AGMO: variants seen among roughly 807,000 people sequenced by gnomAD.
The protein encoded by AGMO is glyceryl-ether monooxygenase.
In AGMO, 75 loss-of-function variants were observed where a neutral mutation model predicts 60.2. The observed-to-expected ratio is 1.25, with a 90% CI of 1.03 to 1.51. The LOEUF is 1.51. Ranked by LOEUF, AGMO falls within the 40% of genes most tolerant of loss-of-function variation. The probability of loss-of-function intolerance (pLI) is 0.00; values close to 1 mark genes in which losing one functional copy is unlikely to be tolerated. For missense variants in AGMO, 763 were observed against 525.5 expected, an observed-to-expected ratio of 1.45 and a Z score of -4.42; for synonymous variants, 261 against 177.1, an observed-to-expected ratio of 1.47 and a Z score of -3.76.
chr7:15,444,220 C>CTATT (rs1781640334), intron 3 of AGMO, among the ~76,000 whole-genome samples: 1 of 152,148 alleles, frequency 6.6e-6, no homozygotes, highest in African/African-American at 2.4e-5. Flanking sequence ...CCAAGTCACA[C>CTATT]TATTTTATTT....
intron 12 of AGMO, among the ~76,000 whole-genome samples, chr7:15,208,237 A>G (rs1583292605): frequency 6.6e-6 from 1 of 152,232 alleles, no homozygotes; most frequent in Admixed American, 6.5e-5. Flanking sequence ...CAGTAAGGAT[A>G]CATAGAGAGA....
the AGMO span, among the ~76,000 whole-genome samples, chr7:15,124,913 C>T: frequency 3.3e-5 from 5 of 151,928 alleles, no homozygotes; most frequent in African/African-American, 1.2e-4. Context: ...CTAACTAGAA[C>T]ATAGTCTAAT....
intron 5 of AGMO, among the ~76,000 whole-genome samples, chr7:15,395,295 A>T (rs549668929): frequency 6.6e-6 from 1 of 152,324 alleles, no homozygotes; most frequent in Non-Finnish European, 1.5e-5. Context: ...CATTGATATG[A>T]ATTTGATAAG....
intron 3 of AGMO, among the ~76,000 whole-genome samples, chr7:15,476,464 T>C (rs1312261334): frequency 6.6e-6 from 1 of 152,102 alleles, no homozygotes; most frequent in Non-Finnish European, 1.5e-5. Context: ...AGAACATGGA[T>C]AAGGGCGGTG....
intron 3 of AGMO, among the ~76,000 whole-genome samples, chr7:15,493,075 T>C (rs1000094130): frequency 6.6e-6 from 1 of 152,116 alleles, no homozygotes; most frequent in Non-Finnish European, 1.5e-5. Flanking sequence ...TCAAACTTCA[T>C]GTGTAAACAT....
chr7:15,505,261 C>T (rs183205698), intron 3 of AGMO, among the ~76,000 whole-genome samples: 291 of 152,016 alleles, frequency 1.9e-3, no homozygotes, highest in Non-Finnish European at 3.5e-3. Flanking sequence ...AGGCTATTTA[C>T]TTTATGTTCT....
the AGMO span, among the ~76,000 whole-genome samples, chr7:15,145,340 A>G: frequency 1.3e-5 from 2 of 152,312 alleles, no homozygotes; most frequent in Non-Finnish European, 2.9e-5. Context: ...AAAATAGCAC[A>G]CAGTTATTTA....
intron 12 of AGMO, among the ~76,000 whole-genome samples, chr7:15,279,388 G>A (rs1262366112): frequency 6.6e-6 from 1 of 152,098 alleles, no homozygotes; most frequent in Non-Finnish European, 1.5e-5. Flanking sequence ...ACATTTACTT[G>A]CTATTTTGAT....
chr7:15,261,314 G>T (rs1033957861), intron 12 of AGMO, among the ~76,000 whole-genome samples: 3 of 151,970 alleles, frequency 2.0e-5, no homozygotes, highest in African/African-American at 7.2e-5. Context: ...AAATGAAATG[G>T]GAGATACTAC....
intron 12 of AGMO, among the ~76,000 whole-genome samples, chr7:15,291,003 G>A (rs1442328397): frequency 6.6e-6 from 1 of 151,964 alleles, no homozygotes; most frequent in East Asian, 1.9e-4. Flanking sequence ...TTTCGAAAGT[G>A]CATTTTATTC....
intron 12 of AGMO, among the ~76,000 whole-genome samples, chr7:15,261,255 G>A (rs1032802654): frequency 2.4e-4 from 36 of 151,996 alleles, no homozygotes; most frequent in African/African-American, 4.6e-4. Flanking sequence ...TTGATAGACC[G>A]TTAGTGAGAT....
At chr7:15,314,747 T>C (rs908008205) in intron 12 of AGMO, among the ~76,000 whole-genome samples, 9 of 152,142 alleles carry the variant, frequency 5.9e-5, no homozygotes, top group Admixed American at 5.2e-4. Flanking sequence ...TTTGGGACTT[T>C]GCAGATAGAA....
chr7:15,162,111 T>C, the AGMO span, among the ~76,000 whole-genome samples: 78 of 152,192 alleles, frequency 5.1e-4, no homozygotes, highest in Middle Eastern at 3.4e-3. Flanking sequence ...AAGTTTCCCC[T>C]GTGCTTTGGC....
At chr7:15,343,117 TTA>T (rs1345115184) in intron 12 of AGMO, among the ~76,000 whole-genome samples, 1 of 152,104 alleles carries the variant, frequency 6.6e-6, no homozygotes, top group South Asian at 2.1e-4. Flanking sequence ...AATCTAAAAT[TTA>T]TATGATATTC....
intron 12 of AGMO, among the ~76,000 whole-genome samples, chr7:15,224,396 A>C (rs1187247276): frequency 6.6e-6 from 1 of 151,902 alleles, no homozygotes; most frequent in Non-Finnish European, 1.5e-5. Flanking sequence ...GAAAGAGATA[A>C]GAGAAAGCTT....
At chr7:15,455,024 C>CTA (rs1246559738) in intron 3 of AGMO, among the ~76,000 whole-genome samples, 3 of 151,462 alleles carry the variant, frequency 2.0e-5, no homozygotes, top group Admixed American at 6.6e-5. Flanking sequence ...ACAACCTGTG[C>CTA]TACGGTAGAT....
intron 12 of AGMO, among the ~76,000 whole-genome samples, chr7:15,317,555 T>G (rs1780962986): frequency 6.6e-6 from 1 of 152,134 alleles, no homozygotes; most frequent in Admixed American, 6.6e-5. Flanking sequence ...TTGGTTTGTC[T>G]AAAATTTCTT....
chr7:15,360,433 G>A (rs550922024), intron 12 of AGMO, among the ~76,000 whole-genome samples: 9 of 152,230 alleles, frequency 5.9e-5, no homozygotes, highest in Admixed American at 5.2e-4. Flanking sequence ...ATGAACAGAC[G>A]ATTAACACAT....
intron 5 of AGMO, among the ~76,000 whole-genome samples, chr7:15,405,985 G>A (rs946244594): frequency 7.3e-5 from 11 of 151,686 alleles, no homozygotes; most frequent in Non-Finnish European, 1.3e-4. Context: ...CATGTTCCTT[G>A]TGTCTAAGAG....
Sources: allele counts gnomAD v4.1 joint callset (sites outside exome capture counted in the v4.1 genomes callset), GRCh38; gene constraint gnomAD v4.1.1; transcripts MANE v1.5; gene names NCBI Gene and HGNC (gene_info 2026-07-23, HGNC 2026-07-21).